Variants in DOCK1 observed in about 807,000 individuals in gnomAD.
DOCK1 encodes the protein dedicator of cytokinesis protein 1.
A neutral mutation model predicts 262.7 loss-of-function variants in DOCK1; 138 were observed. The observed-to-expected ratio is 0.53, with a 90% CI of 0.46 to 0.61. The LOEUF is 0.61. DOCK1 is among the 20% of genes least tolerant of loss of function. DOCK1 has a pLI of 0.00. For synonymous variants in DOCK1, 866 were observed against 867.4 expected (o/e 1.00, Z 0.03); for missense variants, 1,908 against 2,370.7 (o/e 0.80, Z 4.05).
chr10:126,950,558 A>G (rs2036122955), intron 1 of DOCK1, among the ~76,000 whole-genome samples: 2 of 152,118 alleles, frequency 1.3e-5, no homozygotes, highest in African/African-American at 4.8e-5. Context: ...GCAAAGGGAA[A>G]TCGGTTGCAG....
intron 29 of DOCK1, among the ~76,000 whole-genome samples, chr10:127,326,160 G>C (rs1054399044): frequency 6.6e-6 from 1 of 152,218 alleles, no homozygotes; most frequent in Non-Finnish European, 1.5e-5. Flanking sequence ...TGGTTGCTGA[G>C]GGCTGAGGTG....
Position 127,375,201 on chromosome 10 carries a change from A to T in DOCK1, c.3675+987A>T, listed in dbSNP as rs149964170. Among the ~76,000 whole-genome samples the T allele has an allele frequency of 1.9e-3, 284 of 152,316 alleles. 9 individuals carry two copies. The East Asian group carries it at 0.046, about 24-fold the overall frequency. ...ACAAGCTCAGATCCCGGCCAGCCTC[A>T]TGGCTCTCAGCAGCGTTGTGATTCC... On this transcript the variant is annotated intron_variant, in intron 35 of 51. Coordinates refer to ENST00000623213, the MANE Select transcript of DOCK1 (RefSeq NM_001290223.2).
chr10:127,451,437 C>T lies in DOCK1; in HGVS notation c.*10C>T, dbSNP rs2229606. The T allele has an allele frequency of 5.7e-6, 9 of 1,566,010 alleles. No individual in the cohort carries two copies. Among genetic ancestry groups the T allele is most frequent in the Non-Finnish European group, 7.8e-6 (9 of 1,155,620 alleles). The stretch of plus-strand genomic sequence containing the variant: ...CGGGATCGTGCAGTGACGTCGCAAG[C>T]CTCTCTGGAAAGAGTGTGCTGCCCC... On this transcript the variant is annotated 3_prime_UTR_variant, in exon 52 of 52. Coordinates refer to ENST00000623213, the MANE Select transcript of DOCK1 (RefSeq NM_001290223.2).
intron 25 of DOCK1, among the ~76,000 whole-genome samples, chr10:127,120,787 A>G (rs1265207436): frequency 6.6e-6 from 1 of 152,200 alleles, no homozygotes; most frequent in African/African-American, 2.4e-5. Flanking sequence ...ATTAGATTTC[A>G]CATGCTCAGA....
At chr10:127,406,956 A>G (rs1342523432) in intron 40 of DOCK1, among the ~76,000 whole-genome samples, 1 of 151,996 alleles carries the variant, frequency 6.6e-6, no homozygotes, top group African/African-American at 2.4e-5. Context: ...GTGGCTTTAT[A>G]TAGAAGCCTT....
At chr10:126,976,165 A>G (rs1195627815) in intron 2 of DOCK1, among the ~76,000 whole-genome samples, 1 of 152,192 alleles carries the variant, frequency 6.6e-6, no homozygotes, top group Non-Finnish European at 1.5e-5. Context: ...GGGCTTTGAT[A>G]TATGAGCACT....
intron 2 of DOCK1, among the ~76,000 whole-genome samples, 158 bp from the exon 3 acceptor site, chr10:126,977,790 C>A (rs1036072346): frequency 5.3e-5 from 8 of 152,144 alleles, no homozygotes; most frequent in African/African-American, 1.9e-4. Flanking sequence ...TGGGAAACCA[C>A]GTAGTATATC....
chr10:127,205,276 G>T (rs2057663323), intron 27 of DOCK1, among the ~76,000 whole-genome samples: 1 of 152,210 alleles, frequency 6.6e-6, no homozygotes, highest in South Asian at 2.1e-4. Flanking sequence ...TGGTCCGTGG[G>T]TGTTAATGAA....
At chr10:127,284,072 T>TAA (rs2061060154) in intron 29 of DOCK1, among the ~76,000 whole-genome samples, 1 of 152,238 alleles carries the variant, frequency 6.6e-6, no homozygotes, top group Non-Finnish European at 1.5e-5. Context: ...ATTTGCAAGA[T>TAA]AAAACAGTTC....
At chr10:127,164,320 A>G (rs1480599705) in intron 27 of DOCK1, among the ~76,000 whole-genome samples, 1 of 151,386 alleles carries the variant, frequency 6.6e-6, no homozygotes, top group Non-Finnish European at 1.5e-5. Context: ...AGCAGCTGAG[A>G]TTACAGGTGC....
chr10:127,427,845 C>T (rs2068924217), intron 47 of DOCK1, among the ~76,000 whole-genome samples: 1 of 152,262 alleles, frequency 6.6e-6, no homozygotes, highest in Admixed American at 6.5e-5. Flanking sequence ...GACCTGGTGT[C>T]CCTCAGATGA....
intron 25 of DOCK1, among the ~76,000 whole-genome samples, chr10:127,115,045 G>A (rs2483859): frequency 0.92 from 139,538 of 152,168 alleles, 64,670 homozygotes; most frequent in Non-Finnish European, 0.98. Context: ...ATGAGCCACC[G>A]CGCCCGGCCA....
chr10:127,093,246 T>TCTTTTCTTTCTTTCTTTCTTTC (rs56960227), intron 23 of DOCK1, among the ~76,000 whole-genome samples: 1 of 132,744 alleles, frequency 7.5e-6, no homozygotes, highest in Non-Finnish European at 1.6e-5. Context: ...TTTCTTCTTT[T>TCTTTTCTTTCTTTCTTTCTTTC]TTTTTTTTTT....
At chr10:126,907,862 A>G (rs1244905279) in intron 1 of DOCK1, among the ~76,000 whole-genome samples, 1 of 152,178 alleles carries the variant, frequency 6.6e-6, no homozygotes, top group Admixed American at 6.5e-5. Context: ...AGAAAACTCC[A>G]TGTTTGATTA....
intron 30 of DOCK1, 32 bp downstream of exon 30, chr10:127,339,116 A>T (rs1208895766): frequency 1.3e-6 from 2 of 1,531,208 alleles, no homozygotes. Flanking sequence ...ACCTTTGTGG[A>T]GAAATCATGT....
chr10:127,381,505 A>G, intron 37 of DOCK1, 137 bp downstream of exon 37: 1 of 653,404 alleles, frequency 1.5e-6, no homozygotes, highest in East Asian at 3.0e-5. Flanking sequence ...AAATGCAAGG[A>G]TATGAACAAA....
At chr10:127,441,334 C>T (rs1302510234) in intron 49 of DOCK1, among the ~76,000 whole-genome samples, 1 of 152,192 alleles carries the variant, frequency 6.6e-6, no homozygotes, top group East Asian at 1.9e-4. Context: ...GGCCCTAGCA[C>T]CCTCAGCAAA....
chr10:127,396,616 C>T (rs921795578), intron 38 of DOCK1, among the ~76,000 whole-genome samples: 15 of 152,170 alleles, frequency 9.9e-5, no homozygotes, highest in African/African-American at 2.4e-4. Context: ...GTGAGCAGCA[C>T]GGTGTCTCTT....
chr10:127,011,177 A>G (rs1356832496), intron 11 of DOCK1, among the ~76,000 whole-genome samples: 2 of 152,248 alleles, frequency 1.3e-5, no homozygotes, highest in Non-Finnish European at 2.9e-5. Context: ...TAATAGACAG[A>G]TGAATATTTG....
Sources: gnomAD v4.1 joint callset for allele counts (sites outside exome capture counted in the v4.1 genomes callset) on GRCh38, gnomAD v4.1.1 for gene constraint, MANE v1.5 for transcripts, NCBI Gene and HGNC (gene_info 2026-07-23, HGNC 2026-07-21) for gene names.